The following CNTLN variants were observed in gnomAD, a reference collection of about 807,000 sequenced individuals.
The protein encoded by CNTLN is centlein, also known as centlein, centrosomal protein.
Under a neutral mutation model 180.0 loss-of-function variants are expected in CNTLN, and 212 were observed. That is an observed-to-expected ratio of 1.18 (90% CI 1.05 to 1.32). The LOEUF (loss-of-function observed/expected upper bound fraction) is 1.32, where lower values mean the gene tolerates loss of function less well. CNTLN is among the 40% of genes most tolerant of loss of function. The pLI is 0.00. For missense variants in CNTLN, 2,095 were observed against 1,610.9 expected (o/e 1.30, Z -5.14); for synonymous variants, 722 against 563.1 (o/e 1.28, Z -3.99).
intron 5 of CNTLN, among the ~76,000 whole-genome samples, chr9:17,264,841 T>C (rs2132414074): frequency 1.3e-5 from 2 of 151,886 alleles, no homozygotes; most frequent in East Asian, 3.9e-4. Context: ...GCTCTCTGTT[T>C]GTCTGTTGTT....
intron 6 of CNTLN, among the ~76,000 whole-genome samples, chr9:17,296,542 C>T (rs1399464574): frequency 6.6e-6 from 1 of 152,096 alleles, no homozygotes; most frequent in African/African-American, 2.4e-5. Flanking sequence ...TCCTGGCTAA[C>T]GTATCTTAAC....
intron 13 of CNTLN, 69 bp from the exon 14 acceptor site, chr9:17,388,093 T>C (rs1473573091): frequency 2.0e-6 from 2 of 985,264 alleles, no homozygotes; most frequent in African/African-American, 1.6e-5. Flanking sequence ...GAACCCTTTT[T>C]CTTAAAATGA....
At chr9:17,264,386 C>T (rs910625946) in intron 5 of CNTLN, among the ~76,000 whole-genome samples, 1 of 151,400 alleles carries the variant, frequency 6.6e-6, no homozygotes, top group African/African-American at 2.4e-5. Flanking sequence ...GGGCTCTGTT[C>T]TGTTCCATTG....
chr9:17,140,284 G>A (rs1383142247), intron 1 of CNTLN, among the ~76,000 whole-genome samples: 2 of 151,992 alleles, frequency 1.3e-5, no homozygotes, highest in African/African-American at 2.4e-5. Flanking sequence ...ACATTTTATT[G>A]TTCACAAAAG....
intron 18 of CNTLN, among the ~76,000 whole-genome samples, chr9:17,424,249 A>G (rs1828931254): frequency 6.6e-6 from 1 of 152,224 alleles, no homozygotes; most frequent in African/African-American, 2.4e-5. Context: ...ATCAAGGGAT[A>G]GAAATAGGGT....
In CNTLN at chr9:17,342,323, A is replaced by G. The variant is rs1331116801; in HGVS notation, c.1767-2A>G. The G allele has an allele frequency of 1.9e-6, 3 of 1,610,854 alleles. No individual in the cohort carries two copies. The highest frequency in any genetic ancestry group is 2.5e-6 in the Non-Finnish European group (3 of 1,178,858). ...GAAAAAGCAACTTTGTTTTAAAAAT[A>G]GGACTGAAATCAGGAAAATAAAGAG... On this transcript the variant is annotated splice_acceptor_variant, in intron 11 of 25. Transcript: ENST00000380647. LOFTEE classifies it high-confidence loss of function.
intron 13 of CNTLN, among the ~76,000 whole-genome samples, chr9:17,384,125 C>G (rs1825490085): frequency 6.6e-6 from 1 of 152,084 alleles, no homozygotes; most frequent in South Asian, 2.1e-4. Flanking sequence ...GGGTGTTACA[C>G]ATGGCTTTCA....
chr9:17,407,927 A>G (rs1827521285), intron 15 of CNTLN, among the ~76,000 whole-genome samples: 1 of 151,876 alleles, frequency 6.6e-6, no homozygotes, highest in Non-Finnish European at 1.5e-5. Context: ...GGAGTTCGAG[A>G]CCAGCCTGAC....
chr9:17,403,851 C>G (rs1564075587), intron 15 of CNTLN, among the ~76,000 whole-genome samples: 1 of 151,812 alleles, frequency 6.6e-6, no homozygotes, highest in African/African-American at 2.4e-5. Context: ...TCCTGGCTCA[C>G]TGCAACCTCT....
At chr9:17,174,698 G>GAAAAAAAAAAA (rs34784210) in intron 2 of CNTLN, among the ~76,000 whole-genome samples, 2 of 124,454 alleles carry the variant, frequency 1.6e-5, no homozygotes, top group African/African-American at 5.9e-5. Context: ...TCCGTCTCAG[G>GAAAAAAAAAAA]AAAAAAAAAA....
intron 7 of CNTLN, chr9:17,302,029 C>T (rs1051311496): frequency 1.0e-6 from 1 of 984,634 alleles, no homozygotes; most frequent in African/African-American, 1.8e-5. Flanking sequence ...CTGCAATAAA[C>T]ATTTCTTTGT....
chr9:17,276,966 T>C (rs1013599171), intron 6 of CNTLN, among the ~76,000 whole-genome samples: 5 of 152,038 alleles, frequency 3.3e-5, no homozygotes, highest in Admixed American at 6.6e-5. Flanking sequence ...GATGTACATG[T>C]CTGTAATCTG....
At chr9:17,426,730 G>C (rs1829106343) in intron 18 of CNTLN, among the ~76,000 whole-genome samples, 1 of 151,750 alleles carries the variant, frequency 6.6e-6, no homozygotes, top group South Asian at 2.1e-4. Context: ...TATTTTTTCT[G>C]ATTACTTTGA....
intron 13 of CNTLN, among the ~76,000 whole-genome samples, chr9:17,375,693 T>G (rs146419875): frequency 2.0e-5 from 3 of 152,296 alleles, no homozygotes; most frequent in Admixed American, 6.5e-5. Context: ...TTTGGGAAAT[T>G]ATTTAGTTCG....
chr9:17,155,602 G>A (rs553826125), intron 2 of CNTLN, among the ~76,000 whole-genome samples: 15 of 152,266 alleles, frequency 9.9e-5, no homozygotes, highest in African/African-American at 3.4e-4. Context: ...AATGGCGGAC[G>A]CCCTTCCCCC....
At chr9:17,341,186 G>A (rs145874107) in intron 11 of CNTLN, among the ~76,000 whole-genome samples, 3 of 152,028 alleles carry the variant, frequency 2.0e-5, no homozygotes, top group Non-Finnish European at 2.9e-5. Flanking sequence ...ATGAATTATT[G>A]TACACATTTT....
intron 15 of CNTLN, among the ~76,000 whole-genome samples, chr9:17,406,558 C>G (rs73410587): frequency 6.6e-6 from 1 of 151,866 alleles, no homozygotes; most frequent in African/African-American, 2.4e-5. Flanking sequence ...CAGCCTGCCA[C>G]CATTTTACCT....
intron 2 of CNTLN, among the ~76,000 whole-genome samples, chr9:17,146,200 G>A (rs1285887735): frequency 6.6e-6 from 1 of 152,060 alleles, no homozygotes; most frequent in African/African-American, 2.4e-5. Flanking sequence ...TTGATAAAAT[G>A]TTCTCATATT....
chr9:17,421,599 C>T (rs922938483), intron 18 of CNTLN, among the ~76,000 whole-genome samples: 8 of 152,014 alleles, frequency 5.3e-5, no homozygotes, highest in Admixed American at 4.6e-4. Context: ...GTACTTGCTA[C>T]TGCCATTTTG....
Sources: gnomAD v4.1 joint callset for allele counts (sites outside exome capture counted in the v4.1 genomes callset) on GRCh38, gnomAD v4.1.1 for gene constraint, MANE v1.5 for transcripts, NCBI Gene and HGNC (gene_info 2026-07-23, HGNC 2026-07-21) for gene names.